HNMT: variants seen among roughly 807,000 people sequenced by gnomAD.
HNMT encodes histamine N-methyltransferase.
In HNMT, 30 loss-of-function variants were observed where a neutral mutation model predicts 32.1. The ratio of observed to expected loss-of-function variants is 0.93; its 90% CI spans 0.70 to 1.27. The LOEUF (loss-of-function observed/expected upper bound fraction) is 1.27. Among genes scored for constraint, HNMT ranks in the 50% most tolerant of loss-of-function variants. HNMT has a pLI of 0.00. For synonymous variants in HNMT, 125 were observed against 119.0 expected (o/e 1.05, Z -0.33); for missense variants, 327 against 346.0 (o/e 0.95, Z 0.43).
intron 2 of HNMT, among the ~76,000 whole-genome samples, chr2:137,974,172 G>A (rs542578535): frequency 1.5e-4 from 23 of 152,182 alleles, no homozygotes; most frequent in Non-Finnish European, 2.4e-4. Flanking sequence ...AGCTTTTACA[G>A]AGACCAAACT....
intron 2 of HNMT, among the ~76,000 whole-genome samples, chr2:137,983,699 T>C (rs1680569885): frequency 6.6e-6 from 1 of 152,148 alleles, no homozygotes; most frequent in South Asian, 2.1e-4. Flanking sequence ...AAAGGAAAAT[T>C]ATTTTAGGCT....
At chr2:137,984,596 GC>G (rs1680596992) in intron 2 of HNMT, among the ~76,000 whole-genome samples, 1 of 152,076 alleles carries the variant, frequency 6.6e-6, no homozygotes. Context: ...ATTATAGCAT[GC>G]AAAATTCCCA....
chr2:138,005,979 C>G (rs1681320322), intron 5 of HNMT, among the ~76,000 whole-genome samples: 1 of 151,976 alleles, frequency 6.6e-6, no homozygotes, highest in Admixed American at 6.6e-5. Context: ...CATACTTTAA[C>G]ACCGTATGTC....
At chr2:137,966,992 T>A in intron 1 of HNMT, 1 of 738,022 alleles carries the variant, frequency 1.4e-6, no homozygotes, top group Non-Finnish European at 2.5e-6. Context: ...TTTGTATGTT[T>A]AAAAATCCCT....
In HNMT at chr2:138,014,226, T is replaced by G; in HGVS notation, c.*96T>G. On this transcript the variant is annotated 3_prime_UTR_variant, in exon 6 of 6. Coordinates refer to ENST00000280097, the MANE Select transcript of HNMT (RefSeq NM_006895.3). ...AAAATCACAAACTCATCCATTAATG[T>G]AGATAAAGCACTGTTTGGATATGAG... 1.3e-6 allele frequency: 1 copy of G among 791,742 alleles called. No individual in the cohort carries two copies. The highest frequency in any genetic ancestry group is 2.0e-6 in the Non-Finnish European group (1 of 503,016). 49.0% of individuals were successfully genotyped at this position (791,742 alleles called of 1,614,324 possible). A position where few individuals can be genotyped will look rare whatever the true frequency, so the allele number is the denominator to read the frequency against.
chr2:137,971,494 G>A (rs201444293), intron 2 of HNMT, among the ~76,000 whole-genome samples: 25 of 152,150 alleles, frequency 1.6e-4, no homozygotes, highest in African/African-American at 6.0e-4. Flanking sequence ...TACTTTTATA[G>A]GCATTTTATA....
chr2:137,977,370 C>T (rs1171865085), intron 2 of HNMT, among the ~76,000 whole-genome samples: 1 of 152,034 alleles, frequency 6.6e-6, no homozygotes, highest in Non-Finnish European at 1.5e-5. Flanking sequence ...TAAAACTTTG[C>T]AATTTAATAT....
intron 2 of HNMT, among the ~76,000 whole-genome samples, chr2:137,979,545 C>A (rs1680420057): frequency 1.3e-5 from 2 of 151,996 alleles, no homozygotes; most frequent in East Asian, 3.9e-4. Context: ...AGCCACCACG[C>A]CCGGCCATAC....
Position 138,014,300 on chromosome 2 carries a change from G to C in HNMT, c.*170G>C. 1 of 572,262 alleles carries C rather than the reference G, an allele frequency of 1.7e-6. No individual in the cohort carries two copies. Among genetic ancestry groups the C allele is most frequent in the Non-Finnish European group, 3.1e-6 (1 of 324,618 alleles). The allele number at this position is 572,262 out of a possible 1,614,324, so 35.4% of individuals were successfully genotyped here. A position where few individuals can be genotyped will look rare whatever the true frequency, so the allele number is the denominator to read the frequency against. ...TTGGACTTCCATTTGGAATCATATG[G>C]GATACTGCTGGTCTTATCCTGTCCC... is the stretch of plus-strand genomic sequence containing the variant. On this transcript the variant is annotated 3_prime_UTR_variant, in exon 6 of 6. Coordinates refer to ENST00000280097, the MANE Select transcript of HNMT (RefSeq NM_006895.3).
chr2:137,991,680 C>T (rs1415514766), intron 2 of HNMT: 3 of 151,898 alleles, frequency 2.0e-5, no homozygotes, highest in African/African-American at 2.4e-5. Context: ...ACACACATTT[C>T]TATAAAGATA....
chr2:138,002,655 C>T (rs1681210078), intron 4 of HNMT: 1 of 277,402 alleles, frequency 3.6e-6, no homozygotes, highest in African/African-American at 2.3e-5. Flanking sequence ...CTATGTTGCC[C>T]AGGCTGGTCT....
intron 3 of HNMT, among the ~76,000 whole-genome samples, chr2:138,001,322 C>T (rs931042541): frequency 4.6e-5 from 7 of 152,108 alleles, no homozygotes; most frequent in Non-Finnish European, 8.8e-5. Flanking sequence ...TTTAAACCAA[C>T]CTTAAAGAGC....
At chr2:137,965,921 A>G (rs975952707) in intron 1 of HNMT, among the ~76,000 whole-genome samples, 1 of 152,190 alleles carries the variant, frequency 6.6e-6, no homozygotes, top group African/African-American at 2.4e-5. Flanking sequence ...TTTAAATCTA[A>G]CTGGAAATAT....
chr2:138,013,625 T>C, intron 5 of HNMT, 150 bp from the exon 6 acceptor site: 1 of 600,312 alleles, frequency 1.7e-6, no homozygotes, highest in South Asian at 2.4e-5. Flanking sequence ...TTTACTTATT[T>C]TTCTCTCTCC....
At chr2:138,003,317 T>A (rs1325330335) in intron 4 of HNMT, among the ~76,000 whole-genome samples, 1 of 152,084 alleles carries the variant, frequency 6.6e-6, no homozygotes, top group African/African-American at 2.4e-5. Context: ...CATTTCTGAA[T>A]AGCATAAGGG....
At chr2:138,008,620 C>T (rs1279348583) in intron 5 of HNMT, among the ~76,000 whole-genome samples, 1 of 151,866 alleles carries the variant, frequency 6.6e-6, no homozygotes, top group African/African-American at 2.4e-5. Flanking sequence ...GAAATAAGGC[C>T]GCACACCTAC....
At chr2:137,988,889 A>G (rs1024928090) in intron 2 of HNMT, among the ~76,000 whole-genome samples, 1 of 152,136 alleles carries the variant, frequency 6.6e-6, no homozygotes, top group African/African-American at 2.4e-5. Flanking sequence ...ATAAAAATAA[A>G]TATTTTTGTC....
At chr2:138,008,723 A>G (rs1161241694) in intron 5 of HNMT, among the ~76,000 whole-genome samples, 1 of 152,090 alleles carries the variant, frequency 6.6e-6, no homozygotes, top group African/African-American at 2.4e-5. Flanking sequence ...GGCTAGCCAT[A>G]TGCAGAAGAC....
chr2:137,967,092 T>C, intron 1 of HNMT: 5 of 780,630 alleles, frequency 6.4e-6, no homozygotes, highest in Non-Finnish European at 1.2e-5. Context: ...TCCACTGTCT[T>C]TTAGATACCA....
Sources: gnomAD v4.1 joint callset for allele counts (sites outside exome capture counted in the v4.1 genomes callset) on GRCh38, gnomAD v4.1.1 for gene constraint, MANE v1.5 for transcripts, NCBI Gene and HGNC (gene_info 2026-07-23, HGNC 2026-07-21) for gene names.